The following PATJ variants were observed in gnomAD, a reference collection of about 807,000 sequenced individuals.
The protein encoded by PATJ is inaD-like protein.
A neutral mutation model predicts 224.9 loss-of-function variants in PATJ; 190 were observed. That is an observed-to-expected ratio of 0.84 (90% CI 0.75 to 0.95). PATJ has a LOEUF of 0.95. Among genes scored for constraint, PATJ ranks in the 40% least tolerant of loss-of-function variants. The pLI is 0.00. For missense variants in PATJ, 2,121 were observed against 2,270.3 expected (o/e 0.93, Z 1.34); for synonymous variants, 769 against 820.3 (o/e 0.94, Z 1.07).
At chr1:61,873,944 C>T (rs924572972) in intron 20 of PATJ, among the ~76,000 whole-genome samples, 1 of 152,096 alleles carries the variant, frequency 6.6e-6, no homozygotes, top group African/African-American at 2.4e-5. Context: ...GCTTGCGGGA[C>T]CCCCTCTCTT....
At position 62,036,871 on chromosome 1, in the gene PATJ, C is replaced by CAAAAAAAAAAAAAAAAAAAAAAAAAAAAA. The variant is rs55761910; in HGVS notation, c.3960-1096_3960-1095insAAAAAAAAAAAAAAAAAAAAAAAAAAAAA. On this transcript the variant is annotated intron_variant, in intron 29 of 43. Coordinates refer to ENST00000642238, the MANE Select transcript of PATJ (RefSeq NM_001350145.3). ...TTGGTGACAAAGTGAGACTCCATCT[C>CAAAAAAAAAAAAAAAAAAAAAAAAAAAAA]AAAAAAAAAAGAAGGAAGAAAGGAA... Among the ~76,000 whole-genome samples, 84 of 67,296 alleles carry CAAAAAAAAAAAAAAAAAAAAAAAAAAAAA rather than the reference C, an allele frequency of 1.2e-3. 7 individuals carry two copies. Among genetic ancestry groups the CAAAAAAAAAAAAAAAAAAAAAAAAAAAAA allele is most frequent in the Non-Finnish European group, 1.8e-3 (65 of 36,796 alleles). The allele number at this position is 67,296 out of a possible 152,430, so 44.1% of individuals were successfully genotyped here. A position where few individuals can be genotyped will look rare whatever the true frequency, so the allele number is the denominator to read the frequency against.
chr1:62,134,328 CTCT>C (rs1365657816), intron 41 of PATJ, among the ~76,000 whole-genome samples: 1 of 77,172 alleles, frequency 1.3e-5, no homozygotes, highest in African/African-American at 5.5e-5. Context: ...ACCCAGCCCT[CTCT>C]TTTTTTTTTT....
intron 27 of PATJ, among the ~76,000 whole-genome samples, chr1:61,931,983 T>C (rs189740819): frequency 1.6e-4 from 18 of 110,894 alleles, no homozygotes; most frequent in African/African-American, 4.8e-4. Context: ...TTATTCTTTT[T>C]ATTTTATTCT....
At chr1:61,950,707 CTT>C (rs750280364) in intron 27 of PATJ, among the ~76,000 whole-genome samples, 84 of 151,750 alleles carry the variant, frequency 5.5e-4, no homozygotes, top group Non-Finnish European at 1.0e-3. Flanking sequence ...TATGTTTGTT[CTT>C]TTTTTTGTTT....
intron 26 of PATJ, 140 bp from the exon 27 acceptor site, chr1:61,927,586 GTGTT>G: frequency 1.8e-6 from 1 of 563,666 alleles, no homozygotes; most frequent in Non-Finnish European, 3.1e-6. Flanking sequence ...ATAATACATT[GTGTT>G]TGTTTTACAG....
chr1:61,907,519 C>G (rs535703289), intron 24 of PATJ, among the ~76,000 whole-genome samples: 3 of 152,166 alleles, frequency 2.0e-5, no homozygotes, highest in Admixed American at 1.3e-4. Flanking sequence ...CATGTCTCTC[C>G]TTTATCATCC....
chr1:61,960,065 T>G (rs987958595), intron 27 of PATJ, among the ~76,000 whole-genome samples: 1 of 152,158 alleles, frequency 6.6e-6, no homozygotes, highest in Admixed American at 6.5e-5. Flanking sequence ...CATGGTTATA[T>G]TCAATATCAA....
intron 31 of PATJ, among the ~76,000 whole-genome samples, chr1:62,063,264 C>A (rs1187240064): frequency 6.6e-6 from 1 of 152,128 alleles, no homozygotes; most frequent in Admixed American, 6.6e-5. Flanking sequence ...ACATGTGGAA[C>A]CTTTCCACAT....
At chr1:61,784,702 AG>A (rs1648122767) in intron 7 of PATJ, among the ~76,000 whole-genome samples, 1 of 152,194 alleles carries the variant, frequency 6.6e-6, no homozygotes, top group African/African-American at 2.4e-5. Flanking sequence ...GTTGAAGAAT[AG>A]TTTGATTTAC....
At chr1:61,807,146 C>T (rs1653738502) in intron 13 of PATJ, among the ~76,000 whole-genome samples, 1 of 151,996 alleles carries the variant, frequency 6.6e-6, no homozygotes, top group Non-Finnish European at 1.5e-5. Flanking sequence ...GGAGACTCCA[C>T]CTCAAAAACA....
At chr1:61,992,442 C>G (rs1338559712) in intron 28 of PATJ, among the ~76,000 whole-genome samples, 1 of 152,078 alleles carries the variant, frequency 6.6e-6, no homozygotes, top group African/African-American at 2.4e-5. Context: ...TTAACCAACC[C>G]AATTTGTTTA....
chr1:62,055,070 A>G (rs990155747), intron 31 of PATJ, among the ~76,000 whole-genome samples: 1 of 152,278 alleles, frequency 6.6e-6, no homozygotes, highest in South Asian at 2.1e-4. Flanking sequence ...AAGAAAAAAA[A>G]ATTTAAGTTT....
intron 28 of PATJ, among the ~76,000 whole-genome samples, chr1:61,991,120 C>T (rs1645034098): frequency 6.6e-6 from 1 of 152,018 alleles, no homozygotes; most frequent in Admixed American, 6.6e-5. Context: ...ATTAGTATAG[C>T]TCACAGTCTA....
At chr1:61,986,862 T>G (rs76543488) in intron 27 of PATJ, among the ~76,000 whole-genome samples, 1 of 152,324 alleles carries the variant, frequency 6.6e-6, no homozygotes, top group Admixed American at 6.5e-5. Context: ...ATTCATTCAT[T>G]AGTAGATGCC....
At position 62,123,057 on chromosome 1, in the gene PATJ, G is replaced by A. The variant is rs770236592; in HGVS notation, c.5042G>A (p.Arg1681Lys). The A allele has an allele frequency of 2.1e-5, 34 of 1,592,724 alleles. 1 individual carries two copies. In the Admixed American group the frequency reaches 5.8e-4, roughly 27 times the overall value. The change falls in exon 39 of 44, where the codon AGG (arginine) becomes AAG (lysine). Residue 1681 changes from arginine (R) to lysine (K), a missense_variant and splice_region_variant. By Grantham distance (26) the Arg-to-Lys change is conservative. Transcript: ENST00000642238. ...DMEPRTVEIN[R>K]ELSDALGISI... is the part of the protein sequence containing the mutation. ...GAACCAAGGACTGTTGAGATAAACA[G>A]GGTAAGTCAGTCATTTTGCTGTATG...
At chr1:61,865,787 C>G (rs1367577487) in intron 20 of PATJ, among the ~76,000 whole-genome samples, 1 of 152,012 alleles carries the variant, frequency 6.6e-6, no homozygotes, top group Non-Finnish European at 1.5e-5. Context: ...TGTTGCTTCC[C>G]TCTCTGAGGT....
intron 28 of PATJ, among the ~76,000 whole-genome samples, chr1:62,006,434 A>G (rs1035621414): frequency 1.3e-5 from 2 of 152,226 alleles, no homozygotes; most frequent in Non-Finnish European, 2.9e-5. Context: ...ATTTCTATTC[A>G]TGTTAGTTGA....
intron 3 of PATJ, among the ~76,000 whole-genome samples, chr1:61,765,087 T>TC: frequency 7.9e-6 from 1 of 127,260 alleles, no homozygotes; most frequent in Non-Finnish European, 1.6e-5. Flanking sequence ...TTTTTTTTTT[T>TC]TTTTTTTTTT....
At chr1:61,798,363 T>C (rs1313919840) in intron 11 of PATJ, among the ~76,000 whole-genome samples, 1 of 151,868 alleles carries the variant, frequency 6.6e-6, no homozygotes, top group Non-Finnish European at 1.5e-5. Context: ...CCAGATAATT[T>C]ATTTTTATTT....
Sources: gnomAD v4.1 joint callset for allele counts (sites outside exome capture counted in the v4.1 genomes callset) on GRCh38, gnomAD v4.1.1 for gene constraint, MANE v1.5 for transcripts, NCBI Gene and HGNC (gene_info 2026-07-23, HGNC 2026-07-21) for gene names.